MGAT5: variants seen among roughly 807,000 people sequenced by gnomAD.
MGAT5 encodes the protein alpha-1,6-mannosylglycoprotein 6-beta-N-acetylglucosaminyltransferase.
MGAT5 carries 30 observed loss-of-function variants against 94.3 expected under a neutral mutation model. The observed-to-expected ratio is 0.32, with a 90% CI of 0.24 to 0.43. The LOEUF (loss-of-function observed/expected upper bound fraction) is 0.43, where lower values mean the gene tolerates loss of function less well. Among genes scored for constraint, MGAT5 ranks in the 20% least tolerant of loss-of-function variants. The probability of loss-of-function intolerance (pLI) is 1.00; values close to 1 mark genes in which losing one functional copy is unlikely to be tolerated. For missense variants in MGAT5, 691 were observed against 905.5 expected, an observed-to-expected ratio of 0.76 and a Z score of 3.04; for synonymous variants, 310 against 322.9, an observed-to-expected ratio of 0.96 and a Z score of 0.43.
At chr2:134,183,484 A>T (rs1221232598) in intron 1 of MGAT5, among the ~76,000 whole-genome samples, 1 of 152,230 alleles carries the variant, frequency 6.6e-6, no homozygotes, top group African/African-American at 2.4e-5. Context: ...TGAGTTGGAA[A>T]CAATAGCATT....
intron 1 of MGAT5, among the ~76,000 whole-genome samples, chr2:134,221,131 A>C (rs1364459678): frequency 6.6e-6 from 1 of 152,240 alleles, no homozygotes; most frequent in Non-Finnish European, 1.5e-5. Flanking sequence ...TTCCGAGCCA[A>C]GTATGAGTGA....
At chr2:134,388,007 G>C (rs1682138295) in intron 10 of MGAT5, among the ~76,000 whole-genome samples, 1 of 152,168 alleles carries the variant, frequency 6.6e-6, no homozygotes, top group Non-Finnish European at 1.5e-5. Context: ...AAAATCTCCA[G>C]CTAAAATTCA....
chr2:134,286,658 G>C (rs1306139349), intron 2 of MGAT5, among the ~76,000 whole-genome samples: 1 of 152,080 alleles, frequency 6.6e-6, no homozygotes, highest in Non-Finnish European at 1.5e-5. Context: ...GACCTCAGGT[G>C]ATCTGCCTGC....
chr2:134,261,988 A>G (rs1205341359), intron 1 of MGAT5, among the ~76,000 whole-genome samples: 1 of 152,186 alleles, frequency 6.6e-6, no homozygotes, highest in Non-Finnish European at 1.5e-5. Context: ...CATGGGAACC[A>G]TTGTTTATTC....
chr2:134,448,056 C>A (rs993330319), intron 15 of MGAT5, among the ~76,000 whole-genome samples: 4 of 152,260 alleles, frequency 2.6e-5, no homozygotes, highest in Non-Finnish European at 5.9e-5. Flanking sequence ...AACAGGAATT[C>A]TTTAAAGCCT....
chr2:134,295,740 G>A (rs76969396), intron 2 of MGAT5, among the ~76,000 whole-genome samples: 1,615 of 152,258 alleles, frequency 0.011, 15 homozygotes, highest in Non-Finnish European at 0.016. Context: ...CTACCTGACA[G>A]GAATGGTTTT....
intron 2 of MGAT5, among the ~76,000 whole-genome samples, chr2:134,300,341 C>G (rs1035619248): frequency 6.6e-6 from 1 of 152,094 alleles, no homozygotes; most frequent in Admixed American, 6.6e-5. Context: ...CTGTCGAAGC[C>G]TACAGACAGG....
chr2:134,152,274 C>T (rs1205214134), intron 1 of MGAT5, among the ~76,000 whole-genome samples: 1 of 138,294 alleles, frequency 7.2e-6, no homozygotes, highest in Non-Finnish European at 1.5e-5. Flanking sequence ...GGACCTCACG[C>T]CCTATGGGAC....
intron 1 of MGAT5, among the ~76,000 whole-genome samples, chr2:134,265,685 CAA>C (rs1439120784): frequency 6.6e-6 from 1 of 152,132 alleles, no homozygotes; most frequent in South Asian, 2.1e-4. Flanking sequence ...GAAGCACAAA[CAA>C]AATTTTAAAA....
At chr2:134,206,860 C>T (rs1005601011) in intron 1 of MGAT5, among the ~76,000 whole-genome samples, 10 of 152,332 alleles carry the variant, frequency 6.6e-5, no homozygotes, top group Middle Eastern at 3.4e-3. Flanking sequence ...GGAGGGAGCA[C>T]GGCCCTGTCC....
At chr2:134,240,457 A>T (rs566874900) in intron 1 of MGAT5, among the ~76,000 whole-genome samples, 12 of 152,024 alleles carry the variant, frequency 7.9e-5, no homozygotes, top group Admixed American at 5.9e-4. Flanking sequence ...GTGAAAGCCT[A>T]CCAGTATTTA....
At chr2:134,289,082 C>T (rs998280748) in intron 2 of MGAT5, among the ~76,000 whole-genome samples, 4 of 152,100 alleles carry the variant, frequency 2.6e-5, no homozygotes, top group African/African-American at 7.2e-5. Context: ...TTTCCTGTGG[C>T]TTCTCTACGT....
At chr2:134,281,253 A>G (rs538038189) in intron 2 of MGAT5, among the ~76,000 whole-genome samples, 48 of 152,330 alleles carry the variant, frequency 3.2e-4, no homozygotes, top group Admixed American at 3.1e-3. Context: ...TCTGTGATTA[A>G]TACCGTGTTA....
intron 11 of MGAT5, among the ~76,000 whole-genome samples, chr2:134,403,479 G>T (rs766468725): frequency 6.6e-6 from 1 of 152,198 alleles, no homozygotes; most frequent in Admixed American, 6.5e-5. Context: ...TAAGCCAGGG[G>T]TGCTGAACTC....
At chr2:134,317,436 T>G in intron 2 of MGAT5, 93 bp from the exon 3 acceptor site, 1 of 835,878 alleles carries the variant, frequency 1.2e-6, no homozygotes, top group African/African-American at 1.8e-5. Flanking sequence ...CCTTTCTTTT[T>G]TGGTTTCTCT....
chr2:134,309,630 T>G (rs887354033), intron 2 of MGAT5, among the ~76,000 whole-genome samples: 7 of 152,192 alleles, frequency 4.6e-5, no homozygotes, highest in Non-Finnish European at 2.9e-5. Flanking sequence ...TCCTATCATG[T>G]GTGTGCTCCT....
At chr2:134,204,368 C>T (rs1679934383) in intron 1 of MGAT5, among the ~76,000 whole-genome samples, 1 of 152,140 alleles carries the variant, frequency 6.6e-6, no homozygotes. Flanking sequence ...CCCTTTCTTC[C>T]TTGGCTAATG....
At chr2:134,140,291 G>A (rs1023770255) in intron 1 of MGAT5, among the ~76,000 whole-genome samples, 1 of 152,242 alleles carries the variant, frequency 6.6e-6, no homozygotes, top group Non-Finnish European at 1.5e-5. Flanking sequence ...TGTGGGAGCT[G>A]TGGCCGTTCC....
chr2:134,155,914 A>C (rs1468705411), intron 1 of MGAT5, among the ~76,000 whole-genome samples: 2 of 151,096 alleles, frequency 1.3e-5, no homozygotes, highest in African/African-American at 4.9e-5. Flanking sequence ...GCCTCCCTGG[A>C]CCCCTCAGCT....
Sources: allele counts gnomAD v4.1 joint callset (sites outside exome capture counted in the v4.1 genomes callset), GRCh38; gene constraint gnomAD v4.1.1; transcripts MANE v1.5; gene names NCBI Gene and HGNC (gene_info 2026-07-23, HGNC 2026-07-21).